The following MERTK variants were observed in gnomAD, a reference collection of about 807,000 sequenced individuals.
MERTK encodes the protein MER proto-oncogene, tyrosine kinase.
In MERTK, 69 loss-of-function variants were observed where a neutral mutation model predicts 99.3. The observed-to-expected ratio is 0.70, with a 90% CI of 0.57 to 0.85. The LOEUF is 0.85. Ranked by LOEUF, MERTK falls within the 40% of genes least tolerant of loss-of-function variation. The probability of loss-of-function intolerance (pLI) is 0.00; values close to 1 mark genes in which losing one functional copy is unlikely to be tolerated. For missense variants in MERTK, 1,125 were observed against 1,249.4 expected, an observed-to-expected ratio of 0.90 and a Z score of 1.50; for synonymous variants, 426 against 467.6, an observed-to-expected ratio of 0.91 and a Z score of 1.15.
At chr2:112,010,788 G>A (rs1056408327) in intron 15 of MERTK, among the ~76,000 whole-genome samples, 2 of 152,140 alleles carry the variant, frequency 1.3e-5, no homozygotes, top group South Asian at 2.1e-4. Flanking sequence ...GTGGACAAAC[G>A]GTAGACTGCG....
At chr2:111,998,007 A>G (rs1676788299) in intron 10 of MERTK, among the ~76,000 whole-genome samples, 1 of 152,222 alleles carries the variant, frequency 6.6e-6, no homozygotes, top group Non-Finnish European at 1.5e-5. Flanking sequence ...GGAGTGGGAC[A>G]GAATGAGTGA....
intron 10 of MERTK, 58 bp downstream of exon 10, chr2:111,997,534 G>T: frequency 6.3e-7 from 1 of 1,584,160 alleles, no homozygotes; most frequent in East Asian, 2.2e-5. Context: ...GTTATACCAA[G>T]TGATTATGCC....
intron 2 of MERTK, among the ~76,000 whole-genome samples, chr2:111,941,696 C>T (rs376496240): frequency 6.6e-6 from 1 of 152,200 alleles, no homozygotes; most frequent in East Asian, 1.9e-4. Flanking sequence ...GTCTAGAAAG[C>T]GACAAGTATA....
At chr2:111,932,503 A>G (rs1196456353) in intron 2 of MERTK, among the ~76,000 whole-genome samples, 1 of 152,236 alleles carries the variant, frequency 6.6e-6, no homozygotes, top group East Asian at 1.9e-4. Flanking sequence ...TAGTTGAATT[A>G]GGTAGCATAC....
chr2:111,899,191 T>G (rs543082083), intron 1 of MERTK, among the ~76,000 whole-genome samples: 1 of 152,066 alleles, frequency 6.6e-6, no homozygotes. Flanking sequence ...TAGAGTTGCA[T>G]GGTGGGGCCC....
intron 6 of MERTK, among the ~76,000 whole-genome samples, chr2:111,968,757 A>G (rs577619445): frequency 0.011 from 1,725 of 152,178 alleles, 9 homozygotes; most frequent in Middle Eastern, 0.034. Flanking sequence ...TCAAACTCCC[A>G]ACCTCAAGTG....
chr2:111,952,725 G>A (rs1252685517), intron 4 of MERTK: 1 of 152,194 alleles, frequency 6.6e-6, no homozygotes, highest in Non-Finnish European at 1.5e-5. Flanking sequence ...TGCTACCAAA[G>A]CGAGCACCAC....
Position 111,945,051 on chromosome 2 carries a change from G to A in MERTK, c.574G>A (p.Glu192Lys), listed in dbSNP as rs953052713. The A allele has an allele frequency of 2.5e-6, 4 of 1,612,240 alleles. No homozygotes were observed. The highest frequency in any genetic ancestry group is 1.3e-5 in the African/African-American group (1 of 74,946). Residue 192 changes from glutamate to lysine, a missense_variant, in exon 3 of 19, where the codon GAA (glutamate) becomes AAA (lysine). Coordinates refer to ENST00000295408, the MANE Select transcript of MERTK (RefSeq NM_006343.3). ...EEIVSDPIYI[E>K]VQGLPHFTKQ... is the part of the protein sequence containing the mutation. ...GATCGTGTCTGATCCCATCTACATC[G>A]AAGTACAAGGTAAGTCCACAGACCA...
intron 4 of MERTK, among the ~76,000 whole-genome samples, chr2:111,956,453 A>G (rs1685150430): frequency 6.6e-6 from 1 of 152,198 alleles, no homozygotes; most frequent in Admixed American, 6.5e-5. Flanking sequence ...TCTTTTTTAA[A>G]AAATACACAT....
intron 4 of MERTK, among the ~76,000 whole-genome samples, chr2:111,963,568 ACG>A (rs200719281): frequency 0.073 from 11,143 of 152,254 alleles, 501 homozygotes; most frequent in Middle Eastern, 0.14. Flanking sequence ...ATGACTCTTA[ACG>A]AGCATGCTGC....
intron 8 of MERTK, among the ~76,000 whole-genome samples, chr2:111,991,864 T>G (rs1198618866): frequency 6.6e-6 from 1 of 152,188 alleles, no homozygotes; most frequent in Non-Finnish European, 1.5e-5. Flanking sequence ...ATATCTTTTG[T>G]TGAAGTATTG....
Position 111,898,647 on chromosome 2 carries a change from C to T in MERTK, c.-89C>T. On this transcript the variant is annotated 5_prime_UTR_variant, in exon 1 of 19. Coordinates refer to ENST00000295408, the MANE Select transcript of MERTK (RefSeq NM_006343.3). ...CCCGGGCCGCCCGGACAGGGAGCTT[C>T]GCTGGCGCGCTTGGCCGGCGACAGG... 6.7e-7 allele frequency: 1 copy of T among 1,494,092 alleles called. No individual in the cohort carries two copies. Among genetic ancestry groups the T allele is most frequent in the Non-Finnish European group, 9.1e-7 (1 of 1,095,194 alleles). The allele number at this position is 1,494,092 out of a possible 1,614,324, so 92.6% of individuals were successfully genotyped here.
chr2:111,948,665 G>A (rs1685003341), intron 4 of MERTK, among the ~76,000 whole-genome samples: 1 of 152,038 alleles, frequency 6.6e-6, no homozygotes, highest in Non-Finnish European at 1.5e-5. Flanking sequence ...TGTCAGTTCT[G>A]CTCCTACAAT....
intron 4 of MERTK, among the ~76,000 whole-genome samples, chr2:111,957,415 C>T (rs895588698): frequency 4.6e-5 from 7 of 152,088 alleles, no homozygotes; most frequent in Non-Finnish European, 1.5e-5. Flanking sequence ...CCCATTTCCT[C>T]ACTCCTACTC....
intron 1 of MERTK, among the ~76,000 whole-genome samples, chr2:111,904,134 G>C (rs770049158): frequency 6.6e-6 from 1 of 152,048 alleles, no homozygotes; most frequent in Non-Finnish European, 1.5e-5. Flanking sequence ...AGCAGGGCCC[G>C]CCCTGACTGC....
chr2:112,013,197 A>C (rs1677142827), intron 15 of MERTK: 1 of 154,108 alleles, frequency 6.5e-6, no homozygotes, highest in African/African-American at 2.4e-5. Flanking sequence ...ATGAGTACTA[A>C]CCGTAGAGAC....
chr2:112,011,750 GA>G (rs371024330), intron 15 of MERTK, among the ~76,000 whole-genome samples: 161 of 151,968 alleles, frequency 1.1e-3, no homozygotes, highest in African/African-American at 3.8e-3. Flanking sequence ...GACTCCATCT[GA>G]AAAAAATAAA....
In MERTK at chr2:111,913,739, G is replaced by A. The variant is rs916808026; in HGVS notation, c.61+14943G>A. The stretch of plus-strand genomic sequence containing the variant: ...TTTTTTTGTATTTTTGATAGAGGTG[G>A]GGTTTCACCATTTTGGCCAGGCTGG... On this transcript the variant is annotated intron_variant, in intron 1 of 18. Transcript: ENST00000295408. Among the ~76,000 whole-genome samples, 3 of 152,178 alleles carry A rather than the reference G, an allele frequency of 2.0e-5. No homozygotes were observed. The East Asian group carries it at 5.8e-4, about 29-fold the overall frequency.
At chr2:112,028,310 G>A (rs778182207) in intron 18 of MERTK, 41 bp from the exon 19 acceptor site, 5 of 1,586,964 alleles carry the variant, frequency 3.2e-6, no homozygotes, top group Middle Eastern at 1.7e-4. Context: ...AAAGAGATGG[G>A]TGCCATGCTG....
Sources: gnomAD v4.1 joint callset for allele counts (sites outside exome capture counted in the v4.1 genomes callset) on GRCh38, gnomAD v4.1.1 for gene constraint, MANE v1.5 for transcripts, NCBI Gene and HGNC (gene_info 2026-07-23, HGNC 2026-07-21) for gene names.